The following ZNF131 variants were observed in gnomAD, a reference collection of about 807,000 sequenced individuals.
ZNF131 encodes zinc finger and BTB domain containing 35.
ZNF131 carries 7 observed loss-of-function variants against 60.0 expected under a neutral mutation model. The observed-to-expected ratio is 0.12, with a 90% CI of 0.07 to 0.22. The LOEUF (loss-of-function observed/expected upper bound fraction) is 0.22. Among genes scored for constraint, ZNF131 ranks in the 10% least tolerant of loss-of-function variants. ZNF131 has a pLI of 1.00. For synonymous variants in ZNF131, 257 were observed against 253.2 expected, an observed-to-expected ratio of 1.01 and a Z score of -0.14; for missense variants, 493 against 740.9, an observed-to-expected ratio of 0.67 and a Z score of 3.88.
chr5:43,122,045 C>T lies in ZNF131; in HGVS notation c.-9C>T. 6.2e-7 allele frequency: 1 copy of T among 1,613,850 alleles called. No individual in the cohort carries two copies. Among genetic ancestry groups the T allele is most frequent in the African/African-American group, 1.3e-5 (1 of 74,998 alleles). On this transcript the variant is annotated 5_prime_UTR_variant, in exon 2 of 7. Transcript: ENST00000682664. ...TCATGCTCTTCTTTTGTAGAGCAGC[C>T]CGACGGCCATGGAGGCTGAAGAGAC...
chr5:43,166,042 C>A (rs1173664597), intron 5 of ZNF131, among the ~76,000 whole-genome samples: 1 of 152,206 alleles, frequency 6.6e-6, no homozygotes, highest in African/African-American at 2.4e-5. Flanking sequence ...CAACTTCTTA[C>A]CTCTCTCAAC....
At chr5:43,126,935 T>C (rs1421993013) in intron 3 of ZNF131, among the ~76,000 whole-genome samples, 2 of 152,156 alleles carry the variant, frequency 1.3e-5, no homozygotes, top group Non-Finnish European at 2.9e-5. Flanking sequence ...CTTTTCTCTG[T>C]CTTCACTCAC....
chr5:43,155,461 G>A (rs1209162913), intron 4 of ZNF131, among the ~76,000 whole-genome samples: 1 of 152,182 alleles, frequency 6.6e-6, no homozygotes, highest in African/African-American at 2.4e-5. Flanking sequence ...GGTAGAGGCT[G>A]CCTCCTTTTG....
At chr5:43,143,444 T>A in intron 4 of ZNF131, 1 of 1,418,010 alleles carries the variant, frequency 7.1e-7, no homozygotes, top group South Asian at 1.5e-5. Flanking sequence ...TGCAAGTTTA[T>A]CATCTTCAAC....
At chr5:43,130,325 A>G (rs1745171744) in intron 3 of ZNF131, among the ~76,000 whole-genome samples, 1 of 151,580 alleles carries the variant, frequency 6.6e-6, no homozygotes, top group East Asian at 1.9e-4. Context: ...ATAAGACAGA[A>G]TCAAAAAGTT....
At chr5:43,162,842 T>G (rs1423893054) in intron 5 of ZNF131, among the ~76,000 whole-genome samples, 26 of 143,116 alleles carry the variant, frequency 1.8e-4, no homozygotes, top group Non-Finnish European at 3.6e-4. Context: ...GAGGCAGAGG[T>G]TGCCATGAGC....
intron 4 of ZNF131, among the ~76,000 whole-genome samples, chr5:43,141,359 G>A (rs1746800945): frequency 6.6e-6 from 1 of 152,096 alleles, no homozygotes; most frequent in Non-Finnish European, 1.5e-5. Context: ...TATATGGATG[G>A]GGCGATGTCA....
At chr5:43,141,166 C>T (rs992772913) in intron 4 of ZNF131, among the ~76,000 whole-genome samples, 6 of 152,066 alleles carry the variant, frequency 3.9e-5, no homozygotes, top group Non-Finnish European at 8.8e-5. Flanking sequence ...TTCTTTGATG[C>T]TTAGCACCTG....
chr5:43,125,864 TAG>T (rs1316220990), intron 3 of ZNF131, among the ~76,000 whole-genome samples: 1 of 152,168 alleles, frequency 6.6e-6, no homozygotes, highest in East Asian at 1.9e-4. Flanking sequence ...GAAGTAGAAG[TAG>T]AGCCTGGTCT....
At chr5:43,135,236 C>T (rs1249897699) in intron 3 of ZNF131, among the ~76,000 whole-genome samples, 3 of 150,524 alleles carry the variant, frequency 2.0e-5, no homozygotes, top group African/African-American at 7.3e-5. Context: ...CTCAGGTGAT[C>T]CACCAACCTC....
chr5:43,166,724 C>T (rs972363826), intron 5 of ZNF131, among the ~76,000 whole-genome samples: 4 of 151,932 alleles, frequency 2.6e-5, no homozygotes, highest in African/African-American at 9.7e-5. Context: ...GGCGTGATCT[C>T]GGCTCACTGC....
At chr5:43,132,760 A>C (rs1415454588) in intron 3 of ZNF131, among the ~76,000 whole-genome samples, 1 of 151,940 alleles carries the variant, frequency 6.6e-6, no homozygotes, top group African/African-American at 2.4e-5. Flanking sequence ...TAATCTGCCC[A>C]CCTCGTCCTC....
In ZNF131 at chr5:43,161,639, G is replaced by T; in HGVS notation, c.762G>T (p.Leu254=). Residue 254 remains leucine (L), a synonymous_variant, in exon 5 of 7, where the codon CTG becomes CTT. Coordinates refer to ENST00000682664, the MANE Select transcript of ZNF131 (RefSeq NM_001330707.2). Reference sequence around the variant, plus strand: ...GTATTGAAATTGTGGAACTTCAGCTGTCACATGTGAAGGACTTGTTCCATT... The same window carrying T: ...GTATTGAAATTGTGGAACTTCAGCTTTCACATGTGAAGGACTTGTTCCATT... ...VEGIEIVELQ[L]SHVKDLFHCE... The T allele has an allele frequency of 6.2e-7, 1 of 1,614,230 alleles. No individual in the cohort carries two copies. The highest frequency in any genetic ancestry group is 8.5e-7 in the Non-Finnish European group (1 of 1,180,020).
At chr5:43,159,397 G>A (rs893040688) in intron 4 of ZNF131, among the ~76,000 whole-genome samples, 2 of 152,088 alleles carry the variant, frequency 1.3e-5, no homozygotes, top group Non-Finnish European at 2.9e-5. Flanking sequence ...CTTCACTCTA[G>A]ATATAAGATC....
intron 4 of ZNF131, among the ~76,000 whole-genome samples, chr5:43,150,401 G>T (rs987201517): frequency 6.6e-6 from 1 of 152,118 alleles, no homozygotes; most frequent in Non-Finnish European, 1.5e-5. Context: ...GAGTTGTCTT[G>T]TTCCATATCC....
chr5:43,139,072 C>T, intron 3 of ZNF131, 93 bp from the exon 4 acceptor site: 1 of 1,098,076 alleles, frequency 9.1e-7, no homozygotes. Context: ...AAATACTCAA[C>T]AAGCTCCAAG....
intron 5 of ZNF131, among the ~76,000 whole-genome samples, chr5:43,169,815 G>C (rs1421259703): frequency 6.7e-6 from 1 of 150,108 alleles, no homozygotes; most frequent in Non-Finnish European, 1.5e-5. Context: ...TTTTGAGACA[G>C]AGTCTGGCAC....
intron 4 of ZNF131, chr5:43,143,512 G>A: frequency 2.5e-6 from 2 of 806,554 alleles, no homozygotes; most frequent in Non-Finnish European, 1.8e-6. Context: ...GTTTAGATGA[G>A]CCAGACATCG....
intron 4 of ZNF131, among the ~76,000 whole-genome samples, chr5:43,151,898 T>C (rs1309417718): frequency 2.6e-5 from 4 of 152,198 alleles, no homozygotes; most frequent in East Asian, 1.9e-4. Context: ...CAGATTGATA[T>C]AGCCTCCAAT....
Sources: allele counts gnomAD v4.1 joint callset (sites outside exome capture counted in the v4.1 genomes callset), GRCh38; gene constraint gnomAD v4.1.1; transcripts MANE v1.5; gene names NCBI Gene and HGNC (gene_info 2026-07-23, HGNC 2026-07-21).